Variants in CCDC180 observed in about 807,000 individuals in gnomAD.
The protein encoded by CCDC180 is coiled-coil domain-containing protein 180.
CCDC180 carries 154 observed loss-of-function variants against 209.2 expected under a neutral mutation model. The ratio of observed to expected loss-of-function variants is 0.74; its 90% CI spans 0.65 to 0.84. The LOEUF (loss-of-function observed/expected upper bound fraction) is 0.84. CCDC180 is among the 40% of genes least tolerant of loss of function. The pLI is 0.00. For missense variants in CCDC180, 1,874 were observed against 1,997.3 expected (o/e 0.94, Z 1.18); for synonymous variants, 778 against 749.1 (o/e 1.04, Z -0.63).
intron 2 of CCDC180, among the ~76,000 whole-genome samples, chr9:97,308,994 T>C (rs955547859): frequency 6.6e-6 from 1 of 152,238 alleles, no homozygotes; most frequent in South Asian, 2.1e-4. Context: ...GTAAGTGATA[T>C]ATTTAACCAT....
chr9:97,339,720 G>A lies in CCDC180; in HGVS notation c.2275-3620G>A, dbSNP rs563247236. Among the ~76,000 whole-genome samples, 8 of 152,240 alleles carry A rather than the reference G, an allele frequency of 5.3e-5. No homozygotes were observed. In the South Asian group the frequency reaches 1.5e-3, roughly 28 times the overall value. On this transcript the variant is annotated intron_variant, in intron 18 of 36. Coordinates refer to ENST00000529487, the MANE Select transcript of CCDC180 (RefSeq NM_020893.6). ...ATGTTGGCCTGCCTTACTAGGTTGG[G>A]GAAGTTCTCCTGGATAATATCCTGA...
intron 30 of CCDC180, 92 bp downstream of exon 30, chr9:97,365,831 G>A: frequency 8.8e-7 from 1 of 1,133,330 alleles, no homozygotes; most frequent in Non-Finnish European, 1.3e-6. Context: ...GGAAAATGAG[G>A]AAGAGAGGAT....
At chr9:97,357,549 A>G in intron 24 of CCDC180, 78 bp from the exon 25 acceptor site, 4 of 922,342 alleles carry the variant, frequency 4.3e-6, no homozygotes, top group Non-Finnish European at 6.9e-6. Flanking sequence ...AGTTTCTCAG[A>G]TGGTATGTTT....
chr9:97,322,190 C>T (rs1833378593), intron 11 of CCDC180, among the ~76,000 whole-genome samples: 1 of 152,168 alleles, frequency 6.6e-6, no homozygotes, highest in African/African-American at 2.4e-5. Context: ...TTTAGAGCTT[C>T]TTTTCATCAG....
At chr9:97,334,386 T>C (rs990576171) in intron 18 of CCDC180, among the ~76,000 whole-genome samples, 1 of 152,244 alleles carries the variant, frequency 6.6e-6, no homozygotes, top group Non-Finnish European at 1.5e-5. Flanking sequence ...GTAAGGTTGA[T>C]ACTACATTTA....
chr9:97,354,737 G>C (rs775928505), intron 23 of CCDC180, 24 bp downstream of exon 23: 1 of 1,614,102 alleles, frequency 6.2e-7, no homozygotes, highest in South Asian at 1.1e-5. Context: ...CCAGGCCCCA[G>C]GCCAACCGGT....
chr9:97,307,741 CT>C lies in CCDC180; in HGVS notation c.-145del, dbSNP rs1832841189. On this transcript the variant is annotated 5_prime_UTR_variant, in exon 1 of 37. Transcript: ENST00000529487. ...TGTATTATTCGCGTTCCCAGAGTCC[CT>C]TCGGATTTGCGCCATGCGCGGCGGG... is the stretch of plus-strand genomic sequence containing the variant. 2 of 1,614,064 alleles carry C rather than the reference CT, an allele frequency of 1.2e-6. No individual in the cohort carries two copies. Among genetic ancestry groups the C allele is most frequent in the Non-Finnish European group, 1.7e-6 (2 of 1,180,014 alleles).
chr9:97,329,498 T>C (rs1825661287), intron 16 of CCDC180, among the ~76,000 whole-genome samples: 1 of 152,254 alleles, frequency 6.6e-6, no homozygotes, highest in African/African-American at 2.4e-5. Context: ...GTTGTGTCTG[T>C]TCCATCTAGC....
intron 26 of CCDC180, 102 bp downstream of exon 26, chr9:97,360,203 C>T: frequency 7.2e-7 from 1 of 1,398,484 alleles, no homozygotes; most frequent in East Asian, 2.3e-5. Flanking sequence ...GAGGGGACTC[C>T]CAGGCCTCCG....
chr9:97,308,689 C>G (rs972732855), intron 2 of CCDC180, among the ~76,000 whole-genome samples: 1 of 152,240 alleles, frequency 6.6e-6, no homozygotes, highest in Non-Finnish European at 1.5e-5. Context: ...AAGAAACACA[C>G]AGACCCAAAT....
In CCDC180 at chr9:97,361,879, G is replaced by T; in HGVS notation, c.3637G>T (p.Val1213Leu). 1 of 1,614,088 alleles carries T rather than the reference G, an allele frequency of 6.2e-7. No individual in the cohort carries two copies. The highest frequency in any genetic ancestry group is 8.5e-7 in the Non-Finnish European group (1 of 1,180,006). Reference sequence around the variant, plus strand: ...CCTGATTGAGGACCCAGCTGTGGATGTGATCAGGAAGCTCCTGCAGTGAGT... The same window carrying T: ...CCTGATTGAGGACCCAGCTGTGGATTTGATCAGGAAGCTCCTGCAGTGAGT... Reference protein sequence around the residue: ...KPLIEDPAVDVIRKLLQLPNT... With the variant: ...KPLIEDPAVDLIRKLLQLPNT... Residue 1213 changes from valine (V) to leucine (L), a missense_variant, in exon 27 of 37, where the codon GTG becomes TTG. By Grantham distance (32) the Val-to-Leu change is conservative. Transcript: ENST00000529487.
At chr9:97,339,085 A>G (rs1825997942) in intron 18 of CCDC180, among the ~76,000 whole-genome samples, 1 of 152,084 alleles carries the variant, frequency 6.6e-6, no homozygotes, top group Admixed American at 6.5e-5. Context: ...TGAATACAGC[A>G]CACTGATGGG....
At chr9:97,315,500 T>C (rs1188514517) in intron 8 of CCDC180, among the ~76,000 whole-genome samples, 1 of 152,164 alleles carries the variant, frequency 6.6e-6, no homozygotes, top group African/African-American at 2.4e-5. Context: ...CACAGCTGCT[T>C]TCCTTGGGGT....
intron 25 of CCDC180, chr9:97,357,970 G>C: frequency 2.6e-6 from 1 of 385,446 alleles, no homozygotes; most frequent in Non-Finnish European, 4.6e-6. Flanking sequence ...CTAGTGTTGG[G>C]GGAGGCCTGA....
intron 18 of CCDC180, among the ~76,000 whole-genome samples, chr9:97,341,206 CTG>C (rs1245289095): frequency 1.3e-5 from 2 of 152,156 alleles, no homozygotes; most frequent in African/African-American, 4.8e-5. Flanking sequence ...CAATAAATAA[CTG>C]TGCAGCCAGA....
At chr9:97,315,009 GC>G (rs1833117539) in intron 8 of CCDC180, 63 bp downstream of exon 8, 1 of 1,277,074 alleles carries the variant, frequency 7.8e-7, no homozygotes, top group South Asian at 1.2e-5. Context: ...GGAACCCAGG[GC>G]ACCCCGAGCC....
In CCDC180 at chr9:97,343,538, A is replaced by G; in HGVS notation, c.2473A>G (p.Arg825Gly). 1 of 1,613,460 alleles carries G rather than the reference A, an allele frequency of 6.2e-7. No homozygotes were observed. Among genetic ancestry groups the G allele is most frequent in the Non-Finnish European group, 8.5e-7 (1 of 1,179,454 alleles). ...CATAGAACAAGTGACAATTCCATCG[A>G]GACTAATTTTAGAAATTAAGAAACA... Reference protein sequence around the residue: ...KFIEQVTIPSRLILEIKKQLR... With the variant: ...KFIEQVTIPSGLILEIKKQLR... Residue 825 changes from arginine (R) to glycine (G), a missense_variant, in exon 19 of 37, where the codon AGA becomes GGA. By Grantham distance (125) the Arg-to-Gly change is moderately radical. Coordinates refer to ENST00000529487, the MANE Select transcript of CCDC180 (RefSeq NM_020893.6).
At chr9:97,361,965 C>T in intron 27 of CCDC180, 67 bp downstream of exon 27, 2 of 1,555,798 alleles carry the variant, frequency 1.3e-6, no homozygotes, top group Admixed American at 1.9e-5. Context: ...CTTCAGGGAC[C>T]AGCTTTGGGG....
intron 18 of CCDC180, among the ~76,000 whole-genome samples, chr9:97,338,515 T>G (rs1043962971): frequency 3.9e-5 from 6 of 152,234 alleles, no homozygotes; most frequent in Non-Finnish European, 8.8e-5. Context: ...GATTGCACTG[T>G]GGTCTGAGAG....
Sources: gnomAD v4.1 joint callset for allele counts (sites outside exome capture counted in the v4.1 genomes callset) on GRCh38, gnomAD v4.1.1 for gene constraint, MANE v1.5 for transcripts, NCBI Gene and HGNC (gene_info 2026-07-23, HGNC 2026-07-21) for gene names.